Variants in CDHR2 observed in about 807,000 individuals in gnomAD.
The protein encoded by CDHR2 is cadherin-related family member 2.
A neutral mutation model predicts 138.6 loss-of-function variants in CDHR2; 104 were observed. That is an observed-to-expected ratio of 0.75 (90% confidence interval 0.64 to 0.88). CDHR2 has a LOEUF of 0.88. Among genes scored for constraint, CDHR2 ranks in the 40% least tolerant of loss-of-function variants. The probability of loss-of-function intolerance (pLI) is 0.00; values close to 1 mark genes in which losing one functional copy is unlikely to be tolerated. For synonymous variants in CDHR2, 755 were observed against 742.8 expected, an observed-to-expected ratio of 1.02 and a Z score of -0.27; for missense variants, 1,624 against 1,727.6, an observed-to-expected ratio of 0.94 and a Z score of 1.06.
intron 30 of CDHR2, among the ~76,000 whole-genome samples, chr5:176,592,032 A>G (rs1477955444): frequency 8.4e-6 from 1 of 118,592 alleles, no homozygotes; most frequent in Non-Finnish European, 1.8e-5. Context: ...TGGTGGTGGC[A>G]ATGGTGATGG....
rs561524342 is a variant in CDHR2, at chr5:176,576,038, C to T, written c.1047C>T (p.His349=). Residue 349 remains histidine, a synonymous_variant, in exon 12 of 32, where the codon CAC becomes CAT. Transcript: ENST00000261944. The surrounding 1 kb of genome is among the most constrained non-coding windows in gnomAD (Gnocchi z 4.5). ...TGAGAGTGATGGACGTCAATGACCA[C>T]AAACCTGAGTTTTACAACTGCAGCC... ...VTVRVMDVND[H]KPEFYNCSLP... 19 of 1,614,118 alleles carry T rather than the reference C, an allele frequency of 1.2e-5. No individual in the cohort carries two copies. The African/African-American group carries it at 2.5e-4, about 22-fold the overall frequency.
chr5:176,586,577 C>T (rs563929582), intron 20 of CDHR2: 19 of 549,682 alleles, frequency 3.5e-5, no homozygotes, highest in South Asian at 2.7e-4. Context: ...CCTCCATTTC[C>T]GCATGGTCCT....
At chr5:176,577,314 C>T in intron 12 of CDHR2, 85 bp from the exon 13 acceptor site, 1 of 1,445,390 alleles carries the variant, frequency 6.9e-7, no homozygotes, top group Non-Finnish European at 9.4e-7. Flanking sequence ...GCGGGGCATC[C>T]AGAGATAGAA....
intron 18 of CDHR2, 48 bp from the exon 19 acceptor site, chr5:176,584,361 TC>T: frequency 1.2e-6 from 2 of 1,610,104 alleles, no homozygotes; most frequent in African/African-American, 2.7e-5. Context: ...AGAGGAGGCT[TC>T]CGATGGCGGG....
At chr5:176,547,072 G>A (rs1342522956), upstream of CDHR2, among the ~76,000 whole-genome samples, 3 of 151,518 alleles carry the variant, frequency 2.0e-5, no homozygotes, top group South Asian at 2.1e-4. Flanking sequence ...TCTGCCTCCC[G>A]GGTTCAAGTG....
chr5:176,591,818 TGTGATG>T, intron 30 of CDHR2: 1 of 178,318 alleles, frequency 5.6e-6, no homozygotes, highest in South Asian at 8.1e-5. Flanking sequence ...TGGTGATGGT[TGTGATG>T]GTGATGGTGG....
intron 1 of CDHR2, among the ~76,000 whole-genome samples, chr5:176,561,949 G>A (rs1439143208): frequency 6.6e-6 from 1 of 152,022 alleles, no homozygotes; most frequent in Non-Finnish European, 1.5e-5. Flanking sequence ...CTTGGAGCTG[G>A]CTTTTAAAAA....
chr5:176,578,298 T>C, intron 15 of CDHR2, 67 bp from the exon 16 acceptor site: 2 of 1,452,708 alleles, frequency 1.4e-6, no homozygotes, highest in African/African-American at 1.4e-5. Context: ...TGTTGTTGTA[T>C]ATCTGAAATT....
chr5:176,575,247 G>A (rs765067737), intron 8 of CDHR2, 33 bp from the exon 9 acceptor site: 52 of 1,613,996 alleles, frequency 3.2e-5, no homozygotes, highest in Non-Finnish European at 4.1e-5. Context: ...TAGGACCCAC[G>A]GCGCTGGCTC....
At position 176,577,410 on chromosome 5, in the gene CDHR2, C is replaced by T. The variant is rs772401626; in HGVS notation, c.1206C>T (p.Gly402=). ...GCCCACCTTTACAGGGCAGCAATGG[C>T]ACCTTCCTGTTGTCGCTGGGGGGCC... The part of the protein sequence containing the change: ...VVYDPDKGSN[G]TFLLSLGGPD... Residue 402 remains glycine (G), a synonymous_variant, in exon 13 of 32, where the codon GGC becomes GGT. Transcript: ENST00000261944. 2 of 1,608,610 alleles carry T rather than the reference C, an allele frequency of 1.2e-6. No individual in the cohort carries two copies. The highest frequency in any genetic ancestry group is 1.7e-6 in the Non-Finnish European group (2 of 1,178,202).
At chr5:176,557,979 T>A (rs144155232) in intron 1 of CDHR2, among the ~76,000 whole-genome samples, 2,349 of 152,216 alleles carry the variant, frequency 0.015, 54 homozygotes, top group African/African-American at 0.053. Context: ...GTGCTGGGAT[T>A]GCAGGTGTGA....
rs199903767 is a variant in CDHR2 at position 176,571,279 on chromosome 5, G to A, written c.382G>A (p.Ala128Thr). ...NDNAPVFQNTAFSTSINETLP... is the reference protein window; with the variant it reads ...NDNAPVFQNTTFSTSINETLP... ...CAACGCACCCGTTTTCCAGAACACC[G>A]CTTTCTCCACCAGCATCAACGAGGT... The change falls in exon 6 of 32, where the codon GCT (alanine) becomes ACT (threonine). Residue 128 changes from alanine (A) to threonine (T), a missense_variant. This residue lies in a region of CDHR2 where 1,061 missense variants were observed against 1,136.6 expected (regional missense o/e 0.93). Coordinates refer to ENST00000261944, the MANE Select transcript of CDHR2 (RefSeq NM_017675.6). 3.8e-4 allele frequency: 610 copies of A among 1,609,806 alleles called. No homozygotes were observed. Among genetic ancestry groups the A allele is most frequent in the Non-Finnish European group, 4.0e-4 (475 of 1,178,266 alleles).
chr5:176,570,395 G>T (rs974384180), intron 5 of CDHR2, among the ~76,000 whole-genome samples: 1 of 152,180 alleles, frequency 6.6e-6, no homozygotes, highest in South Asian at 2.1e-4. Flanking sequence ...GCCCAGGCTG[G>T]AGTGCAGTGG....
rs1417297833 is a variant in CDHR2 at position 176,585,999 on chromosome 5, A to G, written c.2780A>G (p.Tyr927Cys). ...GAGGACGTGAATGACAATGCACCCT[A>G]TTTTCTGCCTGAGAATAAGACTTTT... Reference protein sequence around the residue: ...TIEDVNDNAPYFLPENKTFVI... With the variant: ...TIEDVNDNAPCFLPENKTFVI... The change falls in exon 20 of 32, where the codon TAT (tyrosine) becomes TGT (cysteine). Residue 927 changes from tyrosine (Y) to cysteine (C), a missense_variant. Physicochemically the swap from Tyr to Cys is radical, Grantham distance 194. Coordinates refer to ENST00000261944, the MANE Select transcript of CDHR2 (RefSeq NM_017675.6). 2 of 1,613,762 alleles carry G rather than the reference A, an allele frequency of 1.2e-6. No individual in the cohort carries two copies. The highest frequency in any genetic ancestry group is 2.7e-5 in the African/African-American group (2 of 74,848).
chr5:176,567,323 A>C (rs1758108077), intron 3 of CDHR2, among the ~76,000 whole-genome samples: 1 of 151,580 alleles, frequency 6.6e-6, no homozygotes, highest in African/African-American at 2.4e-5. Context: ...ATGTGCCACC[A>C]TGCCTAGCTA....
At chr5:176,593,204 G>C (rs933035224) in intron 31 of CDHR2, among the ~76,000 whole-genome samples, 1 of 152,172 alleles carries the variant, frequency 6.6e-6, no homozygotes, top group African/African-American at 2.4e-5. Context: ...AGAGAAGATG[G>C]GTTCAAATAA....
At position 176,584,452 on chromosome 5, in the gene CDHR2, C is replaced by A. The variant is rs113163991; in HGVS notation, c.2171C>A (p.Thr724Lys). 6.2e-7 allele frequency: 1 copy of A among 1,605,590 alleles called. No homozygotes were observed. The highest frequency in any genetic ancestry group is 1.1e-5 in the South Asian group (1 of 89,604). ...GTGAAGGCCTGGGACGCGGACCAGA[C>A]GGAAGCCAACAACCGCATCAGCTTC... ...GVVKAWDADQ[T>K]EANNRISFSL... The change falls in exon 19 of 32, where the codon ACG becomes AAG. Residue 724 changes from threonine to lysine, a missense_variant. Coordinates refer to ENST00000261944, the MANE Select transcript of CDHR2 (RefSeq NM_017675.6).
intron 19 of CDHR2, 96 bp from the exon 20 acceptor site, chr5:176,585,858 G>A: frequency 1.1e-6 from 1 of 944,356 alleles, no homozygotes; most frequent in Non-Finnish European, 1.7e-6. Flanking sequence ...GAGGCTGCGG[G>A]GCATGGGGTT....
intron 21 of CDHR2, among the ~76,000 whole-genome samples, chr5:176,587,894 G>T (rs906106281): frequency 6.6e-6 from 1 of 152,194 alleles, no homozygotes; most frequent in Admixed American, 6.5e-5. Context: ...TCTTAAGACA[G>T]CTTCCCAATC....
Sources: allele counts gnomAD v4.1 joint callset (sites outside exome capture counted in the v4.1 genomes callset), GRCh38; gene constraint gnomAD v4.1.1; regional missense constraint gnomAD v4.1.1; non-coding constraint Gnocchi (gnomAD v3.1); transcripts MANE v1.5; gene names NCBI Gene and HGNC (gene_info 2026-07-23, HGNC 2026-07-21).